Variants in PARD3B observed in about 807,000 individuals in gnomAD.
PARD3B encodes the protein partitioning defective 3 homolog B.
Under a neutral mutation model 130.2 loss-of-function variants are expected in PARD3B, and 103 were observed. That is an observed-to-expected ratio of 0.79 (90% CI 0.67 to 0.93). The LOEUF (loss-of-function observed/expected upper bound fraction) is 0.93, where lower values mean the gene tolerates loss of function less well. PARD3B is among the 40% of genes least tolerant of loss of function. The probability of loss-of-function intolerance (pLI) is 0.00; values close to 1 mark genes in which losing one functional copy is unlikely to be tolerated. For missense variants in PARD3B, 1,609 were observed against 1,499.2 expected (o/e 1.07, Z -1.21); for synonymous variants, 583 against 553.2 (o/e 1.05, Z -0.76).
intron 10 of PARD3B, among the ~76,000 whole-genome samples, chr2:205,148,822 A>T (rs921423694): frequency 2.0e-5 from 3 of 152,182 alleles, no homozygotes; most frequent in Admixed American, 2.0e-4. Flanking sequence ...TAAGCTGCTC[A>T]CAACACAGAC....
rs529056905 is a variant in PARD3B, at chr2:205,591,941, A to G, written c.3261-23515A>G. The stretch of plus-strand genomic sequence containing the variant: ...CAGCAGGGAACGAAGACACCCAGGC[A>G]TGGACATTAAGATTCAAGGCTAGGA... On this transcript the variant is annotated intron_variant, in intron 22 of 22. Transcript: ENST00000406610. This position sits in a 1 kb window ranked among gnomAD's most constrained non-coding sequence, Gnocchi z 4.2. Among the ~76,000 whole-genome samples, 1 of 152,218 alleles carries G rather than the reference A, an allele frequency of 6.6e-6. No homozygotes were observed. The highest frequency in any genetic ancestry group is 1.5e-5 in the Non-Finnish European group (1 of 68,034).
intron 20 of PARD3B, among the ~76,000 whole-genome samples, chr2:205,494,911 TAAATG>T (rs1178140662): frequency 1.3e-5 from 2 of 152,184 alleles, no homozygotes; most frequent in Non-Finnish European, 2.9e-5. Context: ...GACTGAGGCT[TAAATG>T]AGATGAGGTA....
rs139740045 is a variant in PARD3B, at chr2:204,976,809, C to T, written c.394+11486C>T. ...TTTTTTAGTAGAGACGGGGTTTCAC[C>T]GTGTTGGTCAGGCTGGTCTCGAACT... On this transcript the variant is annotated intron_variant, in intron 3 of 22. Coordinates refer to ENST00000406610, the MANE Select transcript of PARD3B (RefSeq NM_001302769.2). Among the ~76,000 whole-genome samples the T allele has an allele frequency of 2.5e-3, 381 of 151,872 alleles. 3 individuals carry two copies. The highest frequency in any genetic ancestry group is 8.8e-3 in the African/African-American group (364 of 41,428).
intron 22 of PARD3B, among the ~76,000 whole-genome samples, chr2:205,597,777 C>T (rs868059135): frequency 1.2e-4 from 19 of 152,130 alleles, no homozygotes; most frequent in Non-Finnish European, 2.4e-4. Context: ...AGGCTAGTAG[C>T]GGACTTTCAG....
At chr2:204,838,648 T>C (rs1255886152) in intron 2 of PARD3B, among the ~76,000 whole-genome samples, 1 of 152,098 alleles carries the variant, frequency 6.6e-6, no homozygotes, top group African/African-American at 2.4e-5. Context: ...TAGTGTTTGA[T>C]AGAATCAGTA....
At chr2:205,155,136 A>C (rs2034032653) in intron 10 of PARD3B, among the ~76,000 whole-genome samples, 1 of 151,912 alleles carries the variant, frequency 6.6e-6, no homozygotes, top group Admixed American at 6.6e-5. Context: ...CTAGTTCTTG[A>C]ATTTTGTTTG....
chr2:205,235,194 G>T (rs1157551765), intron 15 of PARD3B, among the ~76,000 whole-genome samples: 1 of 152,150 alleles, frequency 6.6e-6, no homozygotes, highest in Non-Finnish European at 1.5e-5. Flanking sequence ...GCTGAGGTGG[G>T]CAGATCATTT....
chr2:205,487,898 G>T (rs552029245), intron 20 of PARD3B, among the ~76,000 whole-genome samples: 1 of 152,182 alleles, frequency 6.6e-6, no homozygotes, highest in African/African-American at 2.4e-5. Context: ...GAGTGTGTGC[G>T]TATTAGTGTT....
chr2:204,787,614 T>A (rs2042056755), intron 2 of PARD3B, among the ~76,000 whole-genome samples: 2 of 152,178 alleles, frequency 1.3e-5, no homozygotes, highest in African/African-American at 4.8e-5. Flanking sequence ...AGAGTTCTAT[T>A]TTCACATTTT....
intron 2 of PARD3B, among the ~76,000 whole-genome samples, chr2:204,889,750 A>G (rs1243771077): frequency 6.6e-6 from 1 of 152,258 alleles, no homozygotes; most frequent in Admixed American, 6.5e-5. Context: ...AGTCATTCAC[A>G]GTGTCAAACT....
At chr2:204,780,851 A>G (rs1351227245) in intron 2 of PARD3B, among the ~76,000 whole-genome samples, 2 of 151,902 alleles carry the variant, frequency 1.3e-5, no homozygotes. Flanking sequence ...CCTTTTTTCA[A>G]TTCTGAGAAG....
At chr2:204,577,900 G>A (rs905928567) in intron 1 of PARD3B, among the ~76,000 whole-genome samples, 8 of 152,170 alleles carry the variant, frequency 5.3e-5, no homozygotes, top group Non-Finnish European at 1.2e-4. Context: ...GGTTTGTAAA[G>A]AGTGATACTT....
chr2:205,001,523 G>T (rs1446515386), intron 3 of PARD3B, among the ~76,000 whole-genome samples: 1 of 152,210 alleles, frequency 6.6e-6, no homozygotes, highest in Non-Finnish European at 1.5e-5. Context: ...CTCTGACCCA[G>T]TGTGACAGGC....
Position 205,047,704 on chromosome 2 carries a change from T to A in PARD3B, c.504+14T>A. On this transcript the variant is annotated intron_variant, in intron 4 of 22. Transcript: ENST00000406610. ...CTGGTTGTTCCAGTAGGTATCCTGC[T>A]GCTTGTAGTTCTAATGAAAGATCAA... The A allele has an allele frequency of 6.7e-7, 1 of 1,502,318 alleles. No individual in the cohort carries two copies. The highest frequency in any genetic ancestry group is 9.1e-7 in the Non-Finnish European group (1 of 1,102,806). 93.1% of individuals were successfully genotyped at this position (1,502,318 alleles called of 1,614,324 possible). A position where few individuals can be genotyped will look rare whatever the true frequency, so the allele number is the denominator to read the frequency against.
chr2:205,331,998 G>A (rs940802802), intron 18 of PARD3B, among the ~76,000 whole-genome samples: 4 of 151,826 alleles, frequency 2.6e-5, no homozygotes, highest in African/African-American at 7.3e-5. Flanking sequence ...CCAGCTACTC[G>A]GGAAACCGAG....
rs533046736 is a variant in PARD3B at position 204,561,886 on chromosome 2, C to T, written c.120+15767C>T. Among the ~76,000 whole-genome samples, 185 of 152,136 alleles carry T rather than the reference C, an allele frequency of 1.2e-3. 1 individual carries two copies. The highest frequency in any genetic ancestry group is 1.9e-3 in the Non-Finnish European group (131 of 68,002). On this transcript the variant is annotated intron_variant, in intron 1 of 22. Coordinates refer to ENST00000406610, the MANE Select transcript of PARD3B (RefSeq NM_001302769.2). The stretch of plus-strand genomic sequence containing the variant: ...TGCTGAGATTACAGGCGTGAGTCAC[C>T]GCGCCCGGCCATCTCCCCTGTATTA...
At chr2:205,099,303 ATAAT>A (rs1177636722) in intron 4 of PARD3B, among the ~76,000 whole-genome samples, 5 of 152,216 alleles carry the variant, frequency 3.3e-5, no homozygotes, top group Non-Finnish European at 7.4e-5. Context: ...TTGAAATCAC[ATAAT>A]TAATATTGTT....
In PARD3B at chr2:205,405,080, A is replaced by T. The variant is rs1042840776; in HGVS notation, c.2741+3957A>T. 6.6e-6 allele frequency among the ~76,000 whole-genome samples: 1 copy of T among 152,118 alleles called. No homozygotes were observed. ...CCTGATCCGAAACCATTTTGCTGCT[A>T]TATATGGATAGTTTATCTATAGCTA... On this transcript the variant is annotated intron_variant, in intron 19 of 22. Transcript: ENST00000406610. This position sits in a 1 kb window ranked among gnomAD's most constrained non-coding sequence, Gnocchi z 4.1.
chr2:205,260,389 G>A (rs566223550), intron 16 of PARD3B, among the ~76,000 whole-genome samples: 13 of 152,216 alleles, frequency 8.5e-5, no homozygotes, highest in Non-Finnish European at 1.3e-4. Context: ...GTACAACCTG[G>A]ACTAATTTCT....
Sources: allele counts gnomAD v4.1 joint callset (sites outside exome capture counted in the v4.1 genomes callset), GRCh38; gene constraint gnomAD v4.1.1; non-coding constraint Gnocchi (gnomAD v3.1); transcripts MANE v1.5; gene names NCBI Gene and HGNC (gene_info 2026-07-23, HGNC 2026-07-21).